The following STARD3NL variants were observed in gnomAD, a reference collection of about 807,000 sequenced individuals.
STARD3NL encodes STARD3 N-terminal like.
A neutral mutation model predicts 30.9 loss-of-function variants in STARD3NL; 17 were observed. That is an observed-to-expected ratio of 0.55 (90% CI 0.38 to 0.82). The LOEUF (loss-of-function observed/expected upper bound fraction) is 0.82. Ranked by LOEUF, STARD3NL falls within the 40% of genes least tolerant of loss-of-function variation. The probability of loss-of-function intolerance (pLI) is 0.00; values close to 1 mark genes in which losing one functional copy is unlikely to be tolerated. For missense variants in STARD3NL, 234 were observed against 277.6 expected, an observed-to-expected ratio of 0.84 and a Z score of 1.12; for synonymous variants, 112 against 100.5, an observed-to-expected ratio of 1.11 and a Z score of -0.69.
intron 1 of STARD3NL, among the ~76,000 whole-genome samples, chr7:38,182,844 T>C (rs1381306968): frequency 6.6e-6 from 1 of 152,198 alleles, no homozygotes; most frequent in Admixed American, 6.5e-5. Context: ...CAAAATAGTA[T>C]TGTGAGACTA....
chr7:38,226,163 T>G (rs555458185), intron 7 of STARD3NL, among the ~76,000 whole-genome samples: 11 of 150,698 alleles, frequency 7.3e-5, no homozygotes, highest in African/African-American at 1.2e-4. Flanking sequence ...TTTTTTTTTT[T>G]TTTTTTTTTT....
intron 1 of STARD3NL, among the ~76,000 whole-genome samples, chr7:38,186,197 C>T (rs1369668820): frequency 1.3e-5 from 2 of 152,142 alleles, no homozygotes; most frequent in Non-Finnish European, 2.9e-5. Context: ...AGGAGCAACA[C>T]GACTCCTTGA....
chr7:38,215,245 T>C, intron 4 of STARD3NL, 140 bp downstream of exon 4: 1 of 709,648 alleles, frequency 1.4e-6, no homozygotes, highest in Non-Finnish European at 2.4e-6. Context: ...GTTTCCTCCA[T>C]ACTTAAGTAG....
chr7:38,227,356 G>T (rs1395088815), intron 7 of STARD3NL, among the ~76,000 whole-genome samples: 1 of 152,168 alleles, frequency 6.6e-6, no homozygotes, highest in African/African-American at 2.4e-5. Flanking sequence ...GATGGACAGT[G>T]TGTTAATAGG....
intron 1 of STARD3NL, among the ~76,000 whole-genome samples, chr7:38,197,136 T>TTTTTTTTCTTTC (rs377342892): frequency 1.8e-5 from 2 of 112,276 alleles, no homozygotes; most frequent in African/African-American, 6.9e-5. Flanking sequence ...GCATTACCTT[T>TTTTTTTTCTTTC]TTTCTTTCTT....
chr7:38,222,100 C>T lies in STARD3NL; in HGVS notation c.649+2440C>T, dbSNP rs188833294. On this transcript the variant is annotated intron_variant, in intron 7 of 8. Transcript: ENST00000009041. ...GCGGGTTGTAAACTTGAGTTAGAGA[C>T]TACATCATTGTATTCCCTACATTAG... Among the ~76,000 whole-genome samples the T allele has an allele frequency of 2.8e-4, 42 of 151,430 alleles. No homozygotes were observed. In the East Asian group the frequency reaches 6.8e-3, roughly 25 times the overall value.
At chr7:38,197,184 C>CT (rs1451452870) in intron 1 of STARD3NL, among the ~76,000 whole-genome samples, 1 of 147,154 alleles carries the variant, frequency 6.8e-6, no homozygotes, top group Non-Finnish European at 1.5e-5. Flanking sequence ...TTCTTTCTTT[C>CT]TTTCTTTCTT....
intron 8 of STARD3NL, 62 bp downstream of exon 8, chr7:38,228,933 A>G: frequency 3.3e-6 from 4 of 1,194,888 alleles, no homozygotes; most frequent in East Asian, 2.4e-5. Context: ...TCCTTTGAGT[A>G]GAGTCAAAGT....
At chr7:38,207,187 A>T (rs956628469) in intron 1 of STARD3NL, among the ~76,000 whole-genome samples, 1 of 152,176 alleles carries the variant, frequency 6.6e-6, no homozygotes, top group Non-Finnish European at 1.5e-5. Flanking sequence ...TGTAGCTAAC[A>T]TCCTGCCTTC....
intron 1 of STARD3NL, among the ~76,000 whole-genome samples, chr7:38,186,896 T>A (rs1453791030): frequency 1.3e-5 from 2 of 152,108 alleles, no homozygotes; most frequent in Admixed American, 1.3e-4. Flanking sequence ...GGAAAAAAGC[T>A]GCAAAATCAA....
chr7:38,214,469 A>T, intron 3 of STARD3NL, 35 bp downstream of exon 3: 14 of 1,395,376 alleles, frequency 1.0e-5, no homozygotes, highest in Non-Finnish European at 1.4e-5. Context: ...CAGATGTGAT[A>T]AAACTGACCC....
intron 1 of STARD3NL, among the ~76,000 whole-genome samples, chr7:38,196,314 G>T (rs1226960319): frequency 2.7e-4 from 41 of 152,082 alleles, no homozygotes. Context: ...TCTTTCTGAT[G>T]GGCACATTCC....
intron 2 of STARD3NL, among the ~76,000 whole-genome samples, chr7:38,209,536 G>C (rs906344131): frequency 1.3e-5 from 2 of 152,078 alleles, no homozygotes; most frequent in African/African-American, 2.4e-5. Context: ...TGCCTGCCTT[G>C]CCCTCCCAAA....
intron 1 of STARD3NL, among the ~76,000 whole-genome samples, chr7:38,178,765 C>T (rs986085094): frequency 2.0e-5 from 3 of 152,038 alleles, no homozygotes; most frequent in African/African-American, 7.2e-5. Context: ...CGCCATGGGC[C>T]CCCAAGAAGG....
intron 1 of STARD3NL, among the ~76,000 whole-genome samples, chr7:38,207,086 C>T (rs1040252233): frequency 8.5e-5 from 13 of 152,182 alleles, no homozygotes; most frequent in African/African-American, 3.1e-4. Flanking sequence ...GTTATACTTA[C>T]AGGACTGTGG....
intron 7 of STARD3NL, among the ~76,000 whole-genome samples, chr7:38,227,148 A>G (rs1786817697): frequency 6.6e-6 from 1 of 152,182 alleles, no homozygotes. Context: ...TAAAGAAGAC[A>G]TATTGTTATA....
intron 1 of STARD3NL, among the ~76,000 whole-genome samples, chr7:38,179,314 T>C (rs55670304): frequency 0.076 from 11,540 of 152,282 alleles, 1,441 homozygotes; most frequent in African/African-American, 0.26. Context: ...ATCCTTGTTT[T>C]ATTGATGGAT....
chr7:38,179,705 T>G (rs566010145), intron 1 of STARD3NL, among the ~76,000 whole-genome samples: 1 of 152,316 alleles, frequency 6.6e-6, no homozygotes, highest in South Asian at 2.1e-4. Context: ...GAGACAAGTT[T>G]AGATAGGAAT....
At chr7:38,225,096 G>A (rs1369716545) in intron 7 of STARD3NL, among the ~76,000 whole-genome samples, 4 of 152,068 alleles carry the variant, frequency 2.6e-5, no homozygotes, top group African/African-American at 9.7e-5. Context: ...TATGTTTGTA[G>A]TGATACTGAG....
Sources: gnomAD v4.1 joint callset for allele counts (sites outside exome capture counted in the v4.1 genomes callset) on GRCh38, gnomAD v4.1.1 for gene constraint, MANE v1.5 for transcripts, NCBI Gene and HGNC (gene_info 2026-07-23, HGNC 2026-07-21) for gene names.